Variants in UGT2B4 observed in about 807,000 individuals in gnomAD.
UGT2B4 encodes the protein UDP glucuronosyltransferase family 2 member B4.
A neutral mutation model predicts 49.8 loss-of-function variants in UGT2B4; 49 were observed. The ratio of observed to expected loss-of-function variants is 0.98; its 90% CI spans 0.78 to 1.25. The LOEUF (loss-of-function observed/expected upper bound fraction) is 1.25, where lower values mean the gene tolerates loss of function less well. Ranked by LOEUF, UGT2B4 falls within the 50% of genes most tolerant of loss-of-function variation. UGT2B4 has a pLI of 0.00. For missense variants in UGT2B4, 729 were observed against 627.7 expected, an observed-to-expected ratio of 1.16 and a Z score of -1.73; for synonymous variants, 246 against 217.7, an observed-to-expected ratio of 1.13 and a Z score of -1.14.
At chr4:69,516,632 G>A (rs964845747) in intron 1 of UGT2B4, among the ~76,000 whole-genome samples, 1 of 151,794 alleles carries the variant, frequency 6.6e-6, no homozygotes, top group African/African-American at 2.4e-5. Flanking sequence ...TTTAAGACGG[G>A]GTCTTGCTCT....
chr4:69,524,713 C>A (rs1479648335), intron 1 of UGT2B4, among the ~76,000 whole-genome samples: 1 of 151,028 alleles, frequency 6.6e-6, no homozygotes, highest in Non-Finnish European at 1.5e-5. Flanking sequence ...AAAAAAAACC[C>A]AAATATCTGC....
At chr4:69,522,279 GT>G (rs1728866094) in intron 1 of UGT2B4, among the ~76,000 whole-genome samples, 3 of 152,272 alleles carry the variant, frequency 2.0e-5, no homozygotes, top group African/African-American at 7.2e-5. Flanking sequence ...AAGTTTGAAT[GT>G]TTCTGATAAT....
At chr4:69,504,186 T>C (rs1275238682) in intron 1 of UGT2B4, among the ~76,000 whole-genome samples, 1 of 152,094 alleles carries the variant, frequency 6.6e-6, no homozygotes, top group African/African-American at 2.4e-5. Flanking sequence ...AATGACCACA[T>C]CACCTCTCCA....
Position 69,520,904 on chromosome 4 carries a change from G to C in UGT2B4, c.-106+4783C>G, listed in dbSNP as rs1728836090. On this transcript the variant is annotated intron_variant, in intron 1 of 1. Transcript: ENST00000510114. ...GCTAGGGGCACCCTAAAGCCTAGGG[G>C]CTGATATGTCAGTTGAAGATGAAGG... Among the ~76,000 whole-genome samples, 4 of 152,180 alleles carry C rather than the reference G, an allele frequency of 2.6e-5. No homozygotes were observed. The South Asian group carries it at 8.3e-4, about 32-fold the overall frequency.
chr4:69,516,169 T>C (rs1728726791), intron 1 of UGT2B4, among the ~76,000 whole-genome samples: 1 of 152,234 alleles, frequency 6.6e-6, no homozygotes, highest in Non-Finnish European at 1.5e-5. Flanking sequence ...GAAAATGACA[T>C]GATCTTCTTC....
chr4:69,491,760 T>C (rs2109810892), intron 2 of UGT2B4, among the ~76,000 whole-genome samples: 1 of 152,174 alleles, frequency 6.6e-6, no homozygotes, highest in Non-Finnish European at 1.5e-5. Context: ...TCCCTTAATG[T>C]GAGTGGGGAA....
intron 4 of UGT2B4, 73 bp from the exon 5 acceptor site, chr4:69,485,500 T>G: frequency 6.3e-7 from 1 of 1,583,430 alleles, no homozygotes; most frequent in Non-Finnish European, 8.7e-7. Flanking sequence ...AGAATCTGAA[T>G]GTGACGGTGT....
chr4:69,508,645 C>G (rs1196137577), intron 1 of UGT2B4, among the ~76,000 whole-genome samples: 1 of 152,014 alleles, frequency 6.6e-6, no homozygotes, highest in Non-Finnish European at 1.5e-5. Context: ...TAAGTGGCAG[C>G]TAAATGATGA....
At chr4:69,520,784 C>G (rs1039239157) in intron 1 of UGT2B4, among the ~76,000 whole-genome samples, 11 of 152,128 alleles carry the variant, frequency 7.2e-5, no homozygotes, top group African/African-American at 2.4e-4. Context: ...TCGGTATTAA[C>G]AGCCTGAGTG....
chr4:69,490,058 C>T (rs1190489130), intron 2 of UGT2B4, among the ~76,000 whole-genome samples: 2 of 152,056 alleles, frequency 1.3e-5, no homozygotes, highest in East Asian at 1.9e-4. Context: ...GCTGGGATTA[C>T]GTAAACCTAC....
intron 1 of UGT2B4, among the ~76,000 whole-genome samples, chr4:69,519,909 C>G (rs1024274518): frequency 6.6e-6 from 1 of 152,284 alleles, no homozygotes; most frequent in Middle Eastern, 3.4e-3. Context: ...CTCTGTCCCA[C>G]TCTCACAAAA....
intron 5 of UGT2B4, among the ~76,000 whole-genome samples, chr4:69,484,272 G>A (rs970518347): frequency 2.0e-5 from 3 of 152,122 alleles, no homozygotes; most frequent in Non-Finnish European, 4.4e-5. Flanking sequence ...GTTCCTACAA[G>A]AGCCAGAAAT....
chr4:69,499,803 G>A (rs1437391835), upstream of UGT2B4, among the ~76,000 whole-genome samples: 2 of 152,124 alleles, frequency 1.3e-5, no homozygotes, highest in South Asian at 4.1e-4. Context: ...GATGGGTCCT[G>A]ACTCTTTATC....
chr4:69,506,112 T>C (rs898487476), intron 1 of UGT2B4, among the ~76,000 whole-genome samples: 1 of 151,990 alleles, frequency 6.6e-6, no homozygotes, highest in Non-Finnish European at 1.5e-5. Context: ...AATGCCCGCA[T>C]TGGAAAGCTA....
chr4:69,492,859 C>T (rs1181922086), intron 2 of UGT2B4, among the ~76,000 whole-genome samples: 1 of 152,098 alleles, frequency 6.6e-6, no homozygotes, highest in Admixed American at 6.6e-5. Context: ...TGAATTCATA[C>T]AAAATTTCCT....
intron 1 of UGT2B4, among the ~76,000 whole-genome samples, chr4:69,508,875 A>G (rs971102321): frequency 6.6e-6 from 1 of 152,166 alleles, no homozygotes; most frequent in East Asian, 1.9e-4. Context: ...TTTTAAGTGT[A>G]AAATACAATA....
intron 1 of UGT2B4, 34 bp from the exon 2 acceptor site, chr4:69,493,875 C>T (rs935683585): frequency 6.4e-7 from 1 of 1,566,686 alleles, no homozygotes; most frequent in Non-Finnish European, 8.6e-7. Flanking sequence ...AGATAGATGA[C>T]ACAAGATAAT....
exon 1 of UGT2B4, chr4:69,525,780 G>A: frequency 1.0e-5 from 12 of 1,189,456 alleles, no homozygotes; most frequent in African/African-American, 1.6e-5. Flanking sequence ...ATTTAAACAA[G>A]TTGACTAACA....
At chr4:69,494,479 G>T (rs1821190) in intron 1 of UGT2B4, among the ~76,000 whole-genome samples, 152,270 of 152,284 alleles carry the variant, frequency 1, 76,128 homozygotes, top group Non-Finnish European at 1. Flanking sequence ...TATTTTTAAA[G>T]AAAGATACAT....
Sources: allele counts gnomAD v4.1 joint callset (sites outside exome capture counted in the v4.1 genomes callset), GRCh38; gene constraint gnomAD v4.1.1; transcripts MANE v1.5; gene names NCBI Gene and HGNC (gene_info 2026-07-23, HGNC 2026-07-21).